ASIC2: variants seen among roughly 807,000 people sequenced by gnomAD.
ASIC2 encodes the protein acid sensing ion channel subunit 2, also known as acid-sensing ion channel 2.
ASIC2 carries 25 observed loss-of-function variants against 57.3 expected under a neutral mutation model. That is an observed-to-expected ratio of 0.44 (90% confidence interval 0.32 to 0.61). The LOEUF is 0.61. ASIC2 is among the 20% of genes least tolerant of loss of function. ASIC2 has a pLI of 0.06. For synonymous variants in ASIC2, 319 were observed against 307.5 expected, an observed-to-expected ratio of 1.04 and a Z score of -0.39; for missense variants, 641 against 738.1, an observed-to-expected ratio of 0.87 and a Z score of 1.52.
intron 1 of ASIC2, among the ~76,000 whole-genome samples, chr17:33,381,104 G>A (rs1358480357): frequency 6.6e-6 from 1 of 152,234 alleles, no homozygotes; most frequent in Non-Finnish European, 1.5e-5. Flanking sequence ...TGTAGCACTT[G>A]GCCGGTGGCT....
At chr17:33,194,580 G>C (rs1906553077) in intron 1 of ASIC2, among the ~76,000 whole-genome samples, 2 of 152,166 alleles carry the variant, frequency 1.3e-5, no homozygotes, top group South Asian at 4.1e-4. Flanking sequence ...TCTTGGATTT[G>C]CAGCACTGGA....
At chr17:33,900,713 T>A (rs1433129422) in intron 1 of ASIC2, among the ~76,000 whole-genome samples, 4 of 152,192 alleles carry the variant, frequency 2.6e-5, no homozygotes, top group Non-Finnish European at 5.9e-5. Flanking sequence ...CATTGAGGTG[T>A]AAACAGACCA....
chr17:34,050,290 A>AT (rs1254920487), intron 1 of ASIC2, among the ~76,000 whole-genome samples: 1 of 152,254 alleles, frequency 6.6e-6, no homozygotes, highest in Non-Finnish European at 1.5e-5. Context: ...AAACGGAGCT[A>AT]TTTTTTACAA....
chr17:33,972,675 C>T (rs750052929), intron 1 of ASIC2, among the ~76,000 whole-genome samples: 10 of 152,240 alleles, frequency 6.6e-5, no homozygotes, highest in East Asian at 3.8e-4. Context: ...TCACACATCA[C>T]GCCTTACTAA....
chr17:33,834,612 G>A (rs768449603), intron 1 of ASIC2: 1 of 152,138 alleles, frequency 6.6e-6, no homozygotes, highest in African/African-American at 2.4e-5. Flanking sequence ...ATGGAAGAAG[G>A]GAAAAAGGGA....
At chr17:33,042,495 A>G (rs753876869) in intron 3 of ASIC2, among the ~76,000 whole-genome samples, 1 of 152,220 alleles carries the variant, frequency 6.6e-6, no homozygotes, top group South Asian at 2.1e-4. Context: ...AATATAGCTG[A>G]TATTTGTTGA....
chr17:33,179,296 G>A lies in ASIC2; in HGVS notation c.709-67229C>T, dbSNP rs187477098. ...GATTTGTGGCTGGCAGTTAGAGGAC[G>A]TTTTGCAACTACCACAAAATAACTG... is the stretch of plus-strand genomic sequence containing the variant. On this transcript the variant is annotated intron_variant, in intron 1 of 9. Coordinates refer to ENST00000225823, the MANE Select transcript of ASIC2 (RefSeq NM_183377.2). Among the ~76,000 whole-genome samples the A allele has an allele frequency of 2.2e-4, 33 of 152,230 alleles. 1 individual carries two copies. Among genetic ancestry groups the A allele is most frequent in the East Asian group, 5.8e-4 (3 of 5,186 alleles).
At chr17:34,098,804 C>A (rs1910637648) in intron 1 of ASIC2, among the ~76,000 whole-genome samples, 2 of 152,094 alleles carry the variant, frequency 1.3e-5, no homozygotes, top group South Asian at 4.1e-4. Context: ...GAAACCTCTA[C>A]CCTATACCCA....
At chr17:33,659,637 G>A (rs952410861) in intron 1 of ASIC2, among the ~76,000 whole-genome samples, 1 of 152,178 alleles carries the variant, frequency 6.6e-6, no homozygotes, top group African/African-American at 2.4e-5. Flanking sequence ...TTGGGAGGCC[G>A]AGGCAGGCAG....
At chr17:33,303,972 C>G (rs1597674235) in intron 1 of ASIC2, among the ~76,000 whole-genome samples, 2 of 152,164 alleles carry the variant, frequency 1.3e-5, no homozygotes, top group South Asian at 4.1e-4. Context: ...ATTCCATACC[C>G]TAGGGTTCCC....
intron 1 of ASIC2, among the ~76,000 whole-genome samples, chr17:33,733,304 G>T (rs1327053662): frequency 6.6e-6 from 1 of 152,152 alleles, no homozygotes; most frequent in African/African-American, 2.4e-5. Context: ...AGCTGTATTT[G>T]CACGGGTTCC....
intron 1 of ASIC2, among the ~76,000 whole-genome samples, chr17:33,223,446 G>C (rs1277080660): frequency 1.3e-5 from 2 of 152,152 alleles, no homozygotes; most frequent in African/African-American, 2.4e-5. Flanking sequence ...GCCTCCCAAA[G>C]TGCTGGGATT....
At chr17:33,128,263 G>C (rs371908199) in intron 1 of ASIC2, among the ~76,000 whole-genome samples, 4 of 152,120 alleles carry the variant, frequency 2.6e-5, no homozygotes, top group African/African-American at 4.8e-5. Context: ...ATCTCAGCTG[G>C]CTCTTCCAAA....
At chr17:33,022,767 G>T (rs1265180498) in intron 6 of ASIC2, among the ~76,000 whole-genome samples, 1 of 152,152 alleles carries the variant, frequency 6.6e-6, no homozygotes, top group Non-Finnish European at 1.5e-5. Context: ...GCCCTCAGGG[G>T]CTTTCAGTCT....
chr17:33,611,000 G>T lies in ASIC2; in HGVS notation c.556-498933C>A, dbSNP rs142749321. ...CCTCCAGGCATCTAGGAATCTGGTG[G>T]ACCAGCAGACTGATTTCTGGGAATT... On this transcript the variant is annotated intron_variant, in intron 1 of 9. Coordinates refer to the ASIC2 transcript ENST00000359872. 8.1e-3 allele frequency among the ~76,000 whole-genome samples: 1,238 copies of T among 152,282 alleles called. 22 individuals carry two copies. Among genetic ancestry groups the T allele is most frequent in the African/African-American group, 0.027 (1,141 of 41,540 alleles).
chr17:33,715,920 C>A (rs1909204973), intron 1 of ASIC2, among the ~76,000 whole-genome samples: 1 of 152,096 alleles, frequency 6.6e-6, no homozygotes, highest in Non-Finnish European at 1.5e-5. Context: ...ACATGCTCCA[C>A]CTGAACTCAC....
chr17:33,267,790 G>T (rs1437077139), intron 1 of ASIC2, among the ~76,000 whole-genome samples: 1 of 152,180 alleles, frequency 6.6e-6, no homozygotes, highest in Non-Finnish European at 1.5e-5. Flanking sequence ...GGACGGGAGA[G>T]TGTGGGGTGA....
At chr17:34,068,697 A>T (rs993944626) in intron 1 of ASIC2, among the ~76,000 whole-genome samples, 5 of 152,182 alleles carry the variant, frequency 3.3e-5, no homozygotes, top group Non-Finnish European at 5.9e-5. Flanking sequence ...GAGAATGTTC[A>T]TTGTTTCCTG....
chr17:33,362,300 A>G (rs1298871320), intron 1 of ASIC2, among the ~76,000 whole-genome samples: 4 of 152,170 alleles, frequency 2.6e-5, no homozygotes, highest in Non-Finnish European at 1.5e-5. Flanking sequence ...CTTGAAGCCT[A>G]CCTGTAAATG....
Sources: allele counts gnomAD v4.1 joint callset (sites outside exome capture counted in the v4.1 genomes callset), GRCh38; gene constraint gnomAD v4.1.1; transcripts MANE v1.5; gene names NCBI Gene and HGNC (gene_info 2026-07-23, HGNC 2026-07-21).